Variants in SLC47A1 observed in about 807,000 individuals in gnomAD.
The protein encoded by SLC47A1 is solute carrier family 47 member 1.
Under a neutral mutation model 65.8 loss-of-function variants are expected in SLC47A1, and 58 were observed. The observed-to-expected ratio is 0.88, with a 90% CI of 0.71 to 1.10. The LOEUF (loss-of-function observed/expected upper bound fraction) is 1.10, where lower values mean the gene tolerates loss of function less well. Ranked by LOEUF, SLC47A1 falls within the 50% of genes least tolerant of loss-of-function variation. The pLI is 0.00. For missense variants in SLC47A1, 706 were observed against 719.2 expected (o/e 0.98, Z 0.21); for synonymous variants, 285 against 295.0 (o/e 0.97, Z 0.35).
chr17:19,552,153 G>A (rs1208212517), intron 6 of SLC47A1, among the ~76,000 whole-genome samples: 1 of 152,214 alleles, frequency 6.6e-6, no homozygotes, highest in Non-Finnish European at 1.5e-5. Context: ...GGAGGAGGAA[G>A]AAAGGAAGTT....
intron 2 of SLC47A1, among the ~76,000 whole-genome samples, chr17:19,543,572 G>A (rs971754489): frequency 6.6e-6 from 1 of 152,142 alleles, no homozygotes; most frequent in Non-Finnish European, 1.5e-5. Flanking sequence ...TCCTAATCTA[G>A]AAATGGGTCT....
chr17:19,570,346 G>A (rs2084389933), intron 14 of SLC47A1, among the ~76,000 whole-genome samples: 2 of 152,190 alleles, frequency 1.3e-5, no homozygotes, highest in Non-Finnish European at 2.9e-5. Flanking sequence ...ACTTGCATTT[G>A]GGCAGAAACT....
chr17:19,540,591 G>A (rs1325504407), intron 1 of SLC47A1, among the ~76,000 whole-genome samples: 1 of 152,156 alleles, frequency 6.6e-6, no homozygotes, highest in Non-Finnish European at 1.5e-5. Context: ...GGCCTACTGG[G>A]CATCCATTGG....
intron 12 of SLC47A1, among the ~76,000 whole-genome samples, chr17:19,563,440 T>G (rs940012012): frequency 6.6e-6 from 1 of 151,882 alleles, no homozygotes; most frequent in African/African-American, 2.4e-5. Context: ...CCGAGAAAGC[T>G]ATTTTAAAAT....
chr17:19,533,985 G>A lies in SLC47A1; in HGVS notation c.46G>A (p.Ala16Thr), dbSNP rs1915917809. The A allele has an allele frequency of 1.3e-6, 2 of 1,540,540 alleles. No individual in the cohort carries two copies. Among genetic ancestry groups the A allele is most frequent in the East Asian group, 2.5e-5 (1 of 40,386 alleles). The change falls in exon 1 of 17, where the codon GCC becomes ACC. Residue 16 changes from alanine (A) to threonine (T), a missense_variant. By Grantham distance (58) the Ala-to-Thr change is moderately conservative. Transcript: ENST00000270570. ...CGCGCCAGTGCGCGGAGGCCCGGAG[G>A]CCACCCTTGAGGTCCGTGGGTCGCG... ...EPAPVRGGPE[A>T]TLEVRGSRCL...
chr17:19,549,585 A>G (rs1220327151), intron 4 of SLC47A1, 50 bp from the exon 5 acceptor site: 1 of 1,573,820 alleles, frequency 6.4e-7, no homozygotes, highest in Admixed American at 1.7e-5. Context: ...TTCCCTGGAA[A>G]CAGAGGCCTC....
chr17:19,559,257 A>G (rs546375476), intron 10 of SLC47A1, among the ~76,000 whole-genome samples: 2 of 152,294 alleles, frequency 1.3e-5, no homozygotes, highest in South Asian at 4.1e-4. Context: ...AGCCCAAGCA[A>G]TCTGGCTTCA....
rs751148502 is a variant in SLC47A1, at chr17:19,533,962, C to A, written c.23C>A (p.Ala8Glu). 13 of 1,534,180 alleles carry A rather than the reference C, an allele frequency of 8.5e-6. No individual in the cohort carries two copies. In the Admixed American group the frequency reaches 1.0e-4, roughly 12 times the overall value. Residue 8 changes from alanine to glutamate, a missense_variant, in exon 1 of 17, where the codon GCG (alanine) becomes GAG (glutamate). By Grantham distance (107) the Ala-to-Glu change is moderately radical (BLOSUM62 -1). Transcript: ENST00000270570. ...CACATGGAAGCTCCTGAGGAGCCCG[C>A]GCCAGTGCGCGGAGGCCCGGAGGCC... MEAPEEP[A>E]PVRGGPEATL...
At chr17:19,546,621 A>G in intron 3 of SLC47A1, 118 bp downstream of exon 3, 1 of 883,256 alleles carries the variant, frequency 1.1e-6, no homozygotes, top group Non-Finnish European at 1.8e-6. Flanking sequence ...CCTATCAGCC[A>G]GCAACTCCTC....
intron 6 of SLC47A1, among the ~76,000 whole-genome samples, chr17:19,553,664 C>T (rs1395685769): frequency 6.6e-6 from 1 of 151,840 alleles, no homozygotes; most frequent in Non-Finnish European, 1.5e-5. Flanking sequence ...GCCTCAGCCT[C>T]CCAAGTAGCT....
chr17:19,569,483 A>G (rs976224465), intron 14 of SLC47A1, among the ~76,000 whole-genome samples: 3 of 152,170 alleles, frequency 2.0e-5, no homozygotes, highest in Admixed American at 2.0e-4. Flanking sequence ...CCTATAGTCA[A>G]TCCCCCCCAC....
chr17:19,567,201 ATGT>A lies in SLC47A1; in HGVS notation c.1284_1286del (p.Met428_Phe429delinsIle), dbSNP rs763754390. The A allele has an allele frequency of 6.2e-7, 1 of 1,614,180 alleles. No individual in the cohort carries two copies. Among genetic ancestry groups the A allele is most frequent in the South Asian group, 1.1e-5 (1 of 91,078 alleles). ...TGGCCTCCCCATCGGGATCGCGCTG[ATGT>A]TTGCAACCACACTTGGAGTGATGGG... On this transcript the variant is annotated inframe_deletion, in exon 14 of 17. Transcript: ENST00000270570.
chr17:19,555,614 G>A lies in SLC47A1; in HGVS notation c.663G>A (p.Leu221=). ...LGVIGSALAN[L]ISQYTLALLL... is the part of the protein sequence containing the mutation. ...CCAGAGGCTCTGCACTGGCAAACTT[G>A]ATTTCCCAGTACACCCTGGCTCTAC... is the stretch of plus-strand genomic sequence containing the variant. The change falls in exon 8 of 17, where the codon TTG becomes TTA. Residue 221 remains leucine, a synonymous_variant. Transcript: ENST00000270570. The A allele has an allele frequency of 6.2e-7, 1 of 1,614,162 alleles. No homozygotes were observed. Among genetic ancestry groups the A allele is most frequent in the Non-Finnish European group, 8.5e-7 (1 of 1,180,034 alleles).
At chr17:19,545,641 G>A (rs916231864) in intron 2 of SLC47A1, among the ~76,000 whole-genome samples, 13 of 152,052 alleles carry the variant, frequency 8.5e-5, no homozygotes, top group African/African-American at 3.1e-4. Flanking sequence ...ACAGGAGCAT[G>A]CCACCATGCC....
At chr17:19,551,607 T>G in intron 6 of SLC47A1, 139 bp downstream of exon 6, 1 of 744,088 alleles carries the variant, frequency 1.3e-6, no homozygotes, top group South Asian at 1.6e-5. Context: ...AAAGATATTT[T>G]TTCAGTGTTG....
chr17:19,555,130 T>C, intron 6 of SLC47A1, 82 bp from the exon 7 acceptor site: 1 of 1,293,232 alleles, frequency 7.7e-7, no homozygotes, highest in South Asian at 1.2e-5. Context: ...GCAGGCCAGC[T>C]GGAGCCTGTG....
intron 1 of SLC47A1, 198 bp downstream of exon 1, chr17:19,534,272 A>AC: frequency 1.6e-6 from 1 of 621,240 alleles, no homozygotes; most frequent in Non-Finnish European, 2.5e-6. Flanking sequence ...GCTCCGCACC[A>AC]CCCGACTGGG....
chr17:19,576,351 CTTTTTTT>C (rs199805601), intron 16 of SLC47A1, among the ~76,000 whole-genome samples: 1 of 123,364 alleles, frequency 8.1e-6, no homozygotes, highest in Non-Finnish European at 1.7e-5. Flanking sequence ...TTCTTCCTTC[CTTTTTTT>C]TTTTTTTTTT....
chr17:19,565,739 C>G (rs913986079), intron 12 of SLC47A1, among the ~76,000 whole-genome samples: 2 of 151,934 alleles, frequency 1.3e-5, no homozygotes, highest in Admixed American at 6.6e-5. Flanking sequence ...CGCCACCACG[C>G]CCGGCTAATT....
Sources: allele counts gnomAD v4.1 joint callset (sites outside exome capture counted in the v4.1 genomes callset), GRCh38; gene constraint gnomAD v4.1.1; transcripts MANE v1.5; gene names NCBI Gene and HGNC (gene_info 2026-07-23, HGNC 2026-07-21).